Variants in TERF2 observed in about 807,000 individuals in gnomAD.
The protein encoded by TERF2 is telomeric repeat-binding factor 2.
Under a neutral mutation model 56.1 loss-of-function variants are expected in TERF2, and 16 were observed. The ratio of observed to expected loss-of-function variants is 0.29; its 90% CI spans 0.19 to 0.43. TERF2 has a LOEUF of 0.43. Ranked by LOEUF, TERF2 falls within the 20% of genes least tolerant of loss-of-function variation. TERF2 has a pLI of 1.00. For missense variants in TERF2, 547 were observed against 712.9 expected, an observed-to-expected ratio of 0.77 and a Z score of 2.65; for synonymous variants, 296 against 282.1, an observed-to-expected ratio of 1.05 and a Z score of -0.50.
Position 69,356,235 on chromosome 16 carries a change from T to C in TERF2, c.*663A>G. The C allele has an allele frequency of 2.2e-6, 1 of 454,864 alleles. No individual in the cohort carries two copies. The highest frequency in any genetic ancestry group is 4.4e-6 in the Non-Finnish European group (1 of 226,416). The allele number at this position is 454,864 out of a possible 1,614,324, so 28.2% of individuals were successfully genotyped here. A position where few individuals can be genotyped will look rare whatever the true frequency, so the allele number is the denominator to read the frequency against. ...TTGCTGGTTTTAACAGGTCATGGAG[T>C]CACAAGTGGCTCCTAATAGACTTCA... On this transcript the variant is annotated 3_prime_UTR_variant, in exon 10 of 10. Transcript: ENST00000254942.
At chr16:69,370,946 C>T (rs539525465) in intron 4 of TERF2, among the ~76,000 whole-genome samples, 7 of 151,530 alleles carry the variant, frequency 4.6e-5, no homozygotes, top group East Asian at 1.9e-4. Context: ...TATGCTATCA[C>T]GTATGTGTAT....
chr16:69,380,254 C>T (rs943213787), intron 3 of TERF2, among the ~76,000 whole-genome samples: 1 of 152,064 alleles, frequency 6.6e-6, no homozygotes, highest in Non-Finnish European at 1.5e-5. Context: ...TATACACATA[C>T]GAAGCTGAAA....
intron 8 of TERF2, 172 bp downstream of exon 8, chr16:69,361,231 GA>G: frequency 1.7e-6 from 1 of 596,638 alleles, no homozygotes. Context: ...GACCCTGTCT[GA>G]AAAAGGAAAA....
At chr16:69,372,934 C>T (rs1224144815) in intron 3 of TERF2, among the ~76,000 whole-genome samples, 1 of 152,104 alleles carries the variant, frequency 6.6e-6, no homozygotes, top group Non-Finnish European at 1.5e-5. Context: ...TCAATAGGGC[C>T]TCCTGAGGAA....
chr16:69,383,865 C>G (rs938183335), intron 3 of TERF2, among the ~76,000 whole-genome samples: 1 of 152,170 alleles, frequency 6.6e-6, no homozygotes, highest in African/African-American at 2.4e-5. Context: ...ATCTTCACCT[C>G]TGCATCTGCT....
chr16:69,382,242 A>G (rs2014030349), intron 3 of TERF2, among the ~76,000 whole-genome samples: 1 of 152,264 alleles, frequency 6.6e-6, no homozygotes, highest in African/African-American at 2.4e-5. Context: ...TTTGCGAAAG[A>G]TTCAATATAC....
chr16:69,368,347 C>G (rs1401191088), intron 6 of TERF2, 29 bp downstream of exon 6: 1 of 1,608,230 alleles, frequency 6.2e-7, no homozygotes, highest in Admixed American at 1.7e-5. Flanking sequence ...TAGTGTTTTA[C>G]CCAAGATCAC....
chr16:69,369,125 T>C (rs943312024), intron 5 of TERF2, among the ~76,000 whole-genome samples: 9 of 148,384 alleles, frequency 6.1e-5, no homozygotes, highest in Admixed American at 4.0e-4. Context: ...CTTTGTGTTA[T>C]ATAGATAAGG....
intron 3 of TERF2, among the ~76,000 whole-genome samples, chr16:69,372,600 T>C (rs2013618063): frequency 2.0e-5 from 3 of 152,018 alleles, no homozygotes; most frequent in Admixed American, 2.0e-4. Context: ...CCATCTCTAC[T>C]AAAAATACAA....
intron 7 of TERF2, among the ~76,000 whole-genome samples, chr16:69,364,111 G>C (rs2142719248): frequency 6.6e-6 from 1 of 152,318 alleles, no homozygotes; most frequent in Non-Finnish European, 1.5e-5. Flanking sequence ...TCCTTAACAT[G>C]CAAGAACAAA....
In TERF2 at chr16:69,356,676, T is replaced by C. The variant is rs1597236561; in HGVS notation, c.*222A>G. On this transcript the variant is annotated 3_prime_UTR_variant, in exon 10 of 10. Coordinates refer to ENST00000254942, the MANE Select transcript of TERF2 (RefSeq NM_005652.5). ...TTAGCCGGGCGTGATGGCGGGCGCC[T>C]GTAGTCCCAGCTACTCGGGAGGCTG... is the stretch of plus-strand genomic sequence containing the variant. The C allele has an allele frequency of 2.3e-6, 1 of 438,238 alleles. No homozygotes were observed. Among genetic ancestry groups the C allele is most frequent in the East Asian group, 4.1e-5 (1 of 24,294 alleles). The allele number at this position is 438,238 out of a possible 1,614,324, so 27.1% of individuals were successfully genotyped here.
chr16:69,383,605 G>T (rs753157436), intron 3 of TERF2, among the ~76,000 whole-genome samples: 19 of 152,072 alleles, frequency 1.2e-4, no homozygotes, highest in Non-Finnish European at 2.4e-4. Context: ...TTCTTTACCA[G>T]ACCAAAAGTA....
At chr16:69,382,050 A>G (rs1423894815) in intron 3 of TERF2, among the ~76,000 whole-genome samples, 1 of 152,200 alleles carries the variant, frequency 6.6e-6, no homozygotes, top group East Asian at 1.9e-4. Context: ...CATTTTACTC[A>G]TCCTTGCTTT....
intron 3 of TERF2, among the ~76,000 whole-genome samples, chr16:69,379,227 C>T (rs74566268): frequency 0.019 from 2,955 of 152,178 alleles, 92 homozygotes; most frequent in African/African-American, 0.067. Flanking sequence ...GAAGCAGATG[C>T]AAAAAGAAGC....
intron 7 of TERF2, chr16:69,365,211 G>A (rs2013295355): frequency 6.6e-6 from 1 of 152,264 alleles, no homozygotes; most frequent in Non-Finnish European, 1.5e-5. Context: ...ATTGCTGTGA[G>A]AAGCCAATGA....
intron 7 of TERF2, 123 bp from the exon 8 acceptor site, chr16:69,361,612 T>A: frequency 1.4e-6 from 1 of 714,102 alleles, no homozygotes; most frequent in South Asian, 1.6e-5. Flanking sequence ...ACAATCGAGG[T>A]TCGCCTGCAT....
At chr16:69,359,942 T>G (rs981235306) in intron 8 of TERF2, among the ~76,000 whole-genome samples, 34 of 152,104 alleles carry the variant, frequency 2.2e-4, no homozygotes, top group African/African-American at 7.7e-4. Context: ...TTTGTATTTT[T>G]TGTAGACATG....
intron 8 of TERF2, 51 bp downstream of exon 8, chr16:69,361,353 T>C (rs1049477644): frequency 2.3e-6 from 3 of 1,290,714 alleles, no homozygotes; most frequent in African/African-American, 1.5e-5. Context: ...GTAACACGCA[T>C]CTGTACTTCA....
intron 4 of TERF2, among the ~76,000 whole-genome samples, chr16:69,371,500 CAAAAAAAAAAA>C (rs778947462): frequency 2.4e-5 from 1 of 42,052 alleles, no homozygotes; most frequent in Non-Finnish European, 4.7e-5. Flanking sequence ...GACTCCATCT[CAAAAAAAAAAA>C]AAAAAAAAAA....
Sources: allele counts gnomAD v4.1 joint callset (sites outside exome capture counted in the v4.1 genomes callset), GRCh38; gene constraint gnomAD v4.1.1; transcripts MANE v1.5; gene names NCBI Gene and HGNC (gene_info 2026-07-23, HGNC 2026-07-21).